The following HS3ST4 variants were observed in gnomAD, a reference collection of about 807,000 sequenced individuals.
HS3ST4 encodes heparan sulfate glucosamine 3-O-sulfotransferase 4.
In HS3ST4, 17 loss-of-function variants were observed where a neutral mutation model predicts 29.2. The ratio of observed to expected loss-of-function variants is 0.58; its 90% CI spans 0.40 to 0.87. The LOEUF is 0.87. Ranked by LOEUF, HS3ST4 falls within the 40% of genes least tolerant of loss-of-function variation. The pLI is 0.00. For synonymous variants in HS3ST4, 314 were observed against 285.7 expected, an observed-to-expected ratio of 1.10 and a Z score of -1.00; for missense variants, 627 against 634.5, an observed-to-expected ratio of 0.99 and a Z score of 0.13.
intron 1 of HS3ST4, among the ~76,000 whole-genome samples, chr16:26,038,094 G>A (rs887539221): frequency 6.6e-6 from 1 of 151,990 alleles, no homozygotes; most frequent in African/African-American, 2.4e-5. Flanking sequence ...CCCCTCTCTT[G>A]CCACTCTCCT....
At chr16:25,877,276 A>G (rs1967841745) in intron 1 of HS3ST4, among the ~76,000 whole-genome samples, 2 of 152,110 alleles carry the variant, frequency 1.3e-5, no homozygotes, top group Non-Finnish European at 2.9e-5. Flanking sequence ...GTCTTTTCAG[A>G]TACAATAAAA....
At chr16:26,122,644 G>A (rs573497218) in intron 1 of HS3ST4, among the ~76,000 whole-genome samples, 6 of 152,226 alleles carry the variant, frequency 3.9e-5, no homozygotes, top group Admixed American at 6.5e-5. Context: ...GAAGCTGTTC[G>A]GTACTCTATG....
chr16:25,976,410 A>G (rs1343432007), intron 1 of HS3ST4, among the ~76,000 whole-genome samples: 2 of 152,132 alleles, frequency 1.3e-5, no homozygotes, highest in Admixed American at 6.5e-5. Flanking sequence ...GGCTCAGGCA[A>G]CCTTTTCACC....
In HS3ST4 at chr16:25,755,114, TTCCACCCC is replaced by T. The variant is rs369504432; in HGVS notation, c.734+61979_734+61986del. Among the ~76,000 whole-genome samples, 357 of 151,886 alleles carry T rather than the reference TTCCACCCC, an allele frequency of 2.4e-3. 2 individuals are homozygous for T. Among genetic ancestry groups the T allele is most frequent in the African/African-American group, 8.2e-3 (338 of 41,420 alleles). ...CATTAATCTGTCCATCCATTCATCC[TTCCACCCC>T]TCCACCCCTCCACCCACACATCCAT... On this transcript the variant is annotated intron_variant, in intron 1 of 1. Transcript: ENST00000331351.
intron 1 of HS3ST4, among the ~76,000 whole-genome samples, chr16:25,728,583 G>A (rs529839913): frequency 1.3e-5 from 2 of 152,306 alleles, no homozygotes; most frequent in South Asian, 4.1e-4. Context: ...TGTAGGTAAG[G>A]AAAGTATTCA....
chr16:25,911,496 G>GTTTT (rs542274531), intron 1 of HS3ST4, among the ~76,000 whole-genome samples: 4 of 82,012 alleles, frequency 4.9e-5, no homozygotes, highest in African/African-American at 1.9e-4. Context: ...CCGTTGTGTG[G>GTTTT]TTTTTTTTTT....
chr16:26,059,216 G>A (rs1340578354), intron 1 of HS3ST4, among the ~76,000 whole-genome samples: 1 of 152,094 alleles, frequency 6.6e-6, no homozygotes, highest in Non-Finnish European at 1.5e-5. Flanking sequence ...AGGGTTCAGG[G>A]TGGCAAATGA....
intron 1 of HS3ST4, among the ~76,000 whole-genome samples, chr16:25,734,907 TC>T (rs1425044913): frequency 6.6e-6 from 1 of 152,146 alleles, no homozygotes; most frequent in Admixed American, 6.6e-5. Context: ...CCCACATCAT[TC>T]CTCCTGGGGA....
rs1371928058 is a variant in HS3ST4 at position 25,828,242 on chromosome 16, C to CTGTCTTTCTTTCTTTCTTTCTT, written c.734+135092_734+135093insGTCTTTCTTTCTTTCTTTCTTT. 4.4e-4 allele frequency among the ~76,000 whole-genome samples: 33 copies of CTGTCTTTCTTTCTTTCTTTCTT among 75,030 alleles called. 4 individuals carry two copies. Among genetic ancestry groups the CTGTCTTTCTTTCTTTCTTTCTT allele is most frequent in the African/African-American group, 1.3e-3 (22 of 17,284 alleles). The allele number at this position is 75,030 out of a possible 152,430, so 49.2% of individuals were successfully genotyped here. On this transcript the variant is annotated intron_variant, in intron 1 of 1. Transcript: ENST00000331351. ...CTTTCCTTTCTTTCTTTCTTTCTTT[C>CTGTCTTTCTTTCTTTCTTTCTT]TCTTTCTTTCTTTCTTTCTTTCTTT...
At chr16:26,094,567 G>C (rs1898900316) in intron 1 of HS3ST4, among the ~76,000 whole-genome samples, 3 of 152,190 alleles carry the variant, frequency 2.0e-5, no homozygotes, top group African/African-American at 7.2e-5. Context: ...CAAATACTGA[G>C]AGATTTTGTC....
intron 1 of HS3ST4, among the ~76,000 whole-genome samples, chr16:25,789,661 A>T (rs770313223): frequency 6.6e-6 from 1 of 152,140 alleles, no homozygotes; most frequent in Non-Finnish European, 1.5e-5. Context: ...ATGATGAATT[A>T]TCACAAAGGG....
intron 1 of HS3ST4, among the ~76,000 whole-genome samples, chr16:25,831,756 A>G (rs1159540389): frequency 6.6e-6 from 1 of 152,146 alleles, no homozygotes; most frequent in African/African-American, 2.4e-5. Flanking sequence ...AATTTGTTGA[A>G]TGAATGAGTG....
At chr16:25,794,314 A>C (rs117546950) in intron 1 of HS3ST4, among the ~76,000 whole-genome samples, 1,911 of 151,986 alleles carry the variant, frequency 0.013, 20 homozygotes, top group Non-Finnish European at 0.02. Context: ...TCTCATATTT[A>C]ATCTTTCTTT....
chr16:25,795,230 C>T (rs1320524799), intron 1 of HS3ST4, among the ~76,000 whole-genome samples: 2 of 152,122 alleles, frequency 1.3e-5, no homozygotes, highest in African/African-American at 4.8e-5. Context: ...CTAGGCCTCC[C>T]AAAGTGCTGG....
intron 1 of HS3ST4, among the ~76,000 whole-genome samples, chr16:25,891,625 AGCATCAC>A (rs779617573): frequency 1.3e-5 from 2 of 152,214 alleles, no homozygotes; most frequent in Non-Finnish European, 2.9e-5. Context: ...AAAGCCACAT[AGCATCAC>A]GTACTCTAGG....
chr16:25,903,166 A>G (rs1234392209), intron 1 of HS3ST4, among the ~76,000 whole-genome samples: 1 of 151,818 alleles, frequency 6.6e-6, no homozygotes, highest in Non-Finnish European at 1.5e-5. Context: ...GCACTGTGAC[A>G]TTAGACCTCA....
intron 1 of HS3ST4, among the ~76,000 whole-genome samples, chr16:25,964,363 TAA>T (rs1968823223): frequency 6.6e-6 from 1 of 152,078 alleles, no homozygotes. Flanking sequence ...ACCCAGAATC[TAA>T]GAGTTGAAAT....
At chr16:25,869,587 G>A (rs1041069919) in intron 1 of HS3ST4, among the ~76,000 whole-genome samples, 2 of 152,216 alleles carry the variant, frequency 1.3e-5, no homozygotes, top group Middle Eastern at 3.4e-3. Flanking sequence ...TGGGAGCTTG[G>A]ACAGACATCA....
At chr16:25,746,688 A>T (rs750884031) in intron 1 of HS3ST4, among the ~76,000 whole-genome samples, 13 of 151,686 alleles carry the variant, frequency 8.6e-5, no homozygotes, top group Admixed American at 2.0e-4. Context: ...AGTAGCTGGG[A>T]TTACAGGTGC....
Sources: gnomAD v4.1 joint callset for allele counts (sites outside exome capture counted in the v4.1 genomes callset) on GRCh38, gnomAD v4.1.1 for gene constraint, MANE v1.5 for transcripts, NCBI Gene and HGNC (gene_info 2026-07-23, HGNC 2026-07-21) for gene names.